The following CSMD3 variants were observed in gnomAD, a reference collection of about 807,000 sequenced individuals.
CSMD3 encodes CUB and Sushi multiple domains 3.
A neutral mutation model predicts 435.2 loss-of-function variants in CSMD3; 177 were observed. The ratio of observed to expected loss-of-function variants is 0.41; its 90% CI spans 0.36 to 0.46. The LOEUF (loss-of-function observed/expected upper bound fraction) is 0.46. CSMD3 is among the 20% of genes least tolerant of loss of function. The pLI, the probability that CSMD3 is intolerant of heterozygous loss-of-function variation, is 0.34. For missense variants in CSMD3, 4,265 were observed against 4,504.6 expected (o/e 0.95, Z 1.52); for synonymous variants, 1,656 against 1,520.5 (o/e 1.09, Z -2.07).
intron 45 of CSMD3, among the ~76,000 whole-genome samples, chr8:112,334,925 T>C (rs1435723813): frequency 1.3e-5 from 2 of 152,178 alleles, no homozygotes; most frequent in African/African-American, 4.8e-5. Context: ...ATCCAAAGCG[T>C]GAAGATACTG....
rs1458397780 is a variant in CSMD3, at chr8:112,281,289, T to C, written c.9393A>G (p.Thr3131=). Residue 3131 remains threonine (T), a synonymous_variant, in exon 59 of 71, where the codon ACA becomes ACG. Transcript: ENST00000297405. The part of the protein sequence containing the change: ...ANGKVFRIDG[T]TFSSSVIYSC... ...AATAAATGACTGAACTAGAAAATGT[T>C]GTGCCATCAATTCGGAAGACTTTCC... 6.2e-7 allele frequency: 1 copy of C among 1,613,556 alleles called. No homozygotes were observed. The highest frequency in any genetic ancestry group is 8.5e-7 in the Non-Finnish European group (1 of 1,179,632).
chr8:112,390,088 A>G lies in CSMD3; in HGVS notation c.5934+576T>C, dbSNP rs375777407. On this transcript the variant is annotated intron_variant, in intron 36 of 70. Transcript: ENST00000297405. ...AATATAGTTTTATTTGAGCCAAATC[A>G]TAGTAAATCTTTGGTTGTTGCCCAT... Among the ~76,000 whole-genome samples the G allele has an allele frequency of 7.9e-5, 12 of 152,350 alleles. No homozygotes were observed. The East Asian group carries it at 1.4e-3, about 17-fold the overall frequency.
In CSMD3 at chr8:113,289,224, G is replaced by C. The variant is rs150612485; in HGVS notation, c.402-10520C>G. ...AGCATTTAGCAAACTAGCTACTCTTGAGAAAGATGACAGATCTGAGAATTA... is the reference window on the plus strand; with the variant it reads ...AGCATTTAGCAAACTAGCTACTCTTCAGAAAGATGACAGATCTGAGAATTA... On this transcript the variant is annotated intron_variant, in intron 2 of 70. Transcript: ENST00000297405. Among the ~76,000 whole-genome samples the C allele has an allele frequency of 4.3e-4, 65 of 151,874 alleles. 2 individuals carry two copies. In the East Asian group the frequency reaches 0.013, roughly 29 times the overall value.
chr8:112,351,050 A>C, intron 40 of CSMD3, 125 bp downstream of exon 40: 1 of 580,892 alleles, frequency 1.7e-6, no homozygotes, highest in Non-Finnish European at 3.1e-6. Context: ...AAGGCAAACT[A>C]TATGTTTGAA....
At chr8:112,331,379 C>G (rs887198175) in intron 45 of CSMD3, among the ~76,000 whole-genome samples, 3 of 151,904 alleles carry the variant, frequency 2.0e-5, no homozygotes, top group African/African-American at 4.8e-5. Context: ...AATATGATAT[C>G]TGAGGTAAAC....
At chr8:112,569,603 T>C (rs1254166171) in intron 24 of CSMD3, among the ~76,000 whole-genome samples, 1 of 152,060 alleles carries the variant, frequency 6.6e-6, no homozygotes, top group Non-Finnish European at 1.5e-5. Context: ...AATCAGACAA[T>C]GGCAAGTGTT....
chr8:113,152,480 C>A (rs2091831322), intron 4 of CSMD3, among the ~76,000 whole-genome samples: 1 of 152,018 alleles, frequency 6.6e-6, no homozygotes, highest in East Asian at 1.9e-4. Context: ...TCTTGTAGTG[C>A]TGCAAAAAAA....
intron 1 of CSMD3, among the ~76,000 whole-genome samples, chr8:113,329,392 T>C (rs1307518190): frequency 2.0e-5 from 3 of 151,932 alleles, no homozygotes; most frequent in South Asian, 2.1e-4. Flanking sequence ...AAATTTGAAG[T>C]TCATGAAGAA....
At chr8:113,240,482 T>C (rs1437852285) in intron 3 of CSMD3, among the ~76,000 whole-genome samples, 1 of 152,086 alleles carries the variant, frequency 6.6e-6, no homozygotes, top group East Asian at 1.9e-4. Flanking sequence ...CGAAAGTATG[T>C]AAGTATTCCT....
intron 22 of CSMD3, among the ~76,000 whole-genome samples, chr8:112,589,216 A>T (rs1309412444): frequency 6.6e-6 from 1 of 152,148 alleles, no homozygotes; most frequent in Non-Finnish European, 1.5e-5. Context: ...ATGCGATCCC[A>T]GTGTGCCTGT....
intron 3 of CSMD3, among the ~76,000 whole-genome samples, chr8:113,248,207 G>A (rs944295604): frequency 5.3e-5 from 8 of 151,764 alleles, no homozygotes; most frequent in East Asian, 2.0e-4. Flanking sequence ...ACTGGCTCTC[G>A]TTAGTAAGAG....
At chr8:112,393,000 G>A (rs146062418) in intron 35 of CSMD3, among the ~76,000 whole-genome samples, 171 of 151,370 alleles carry the variant, frequency 1.1e-3, no homozygotes, top group Admixed American at 4.0e-3. Flanking sequence ...AGAGTAGCTA[G>A]GACTACAGGT....
rs376616443 is a variant in CSMD3 at position 112,244,529 on chromosome 8, C to T, written c.10267G>A (p.Val3423Ile). Reference protein sequence around the residue: ...QPETPAHANVVGMDLPSHGYT... With the variant: ...QPETPAHANVIGMDLPSHGYT... The stretch of plus-strand genomic sequence containing the variant: ...CCATGAGATGGAAGGTCCATCCCTA[C>T]GACATTTGCATGAGCAGGAGTTTCT... Residue 3423 changes from valine to isoleucine, a missense_variant, in exon 65 of 71, where the codon GTA becomes ATA. Val to Ile is a conservative substitution (Grantham distance 29). Around this residue, in one of 3 missense-constraint regions of CSMD3, gnomAD observed 3,255 missense variants for 3,380.2 expected, o/e 0.96. Coordinates refer to ENST00000297405, the MANE Select transcript of CSMD3 (RefSeq NM_198123.2). The T allele has an allele frequency of 1.2e-4, 192 of 1,613,782 alleles. 1 individual carries two copies. Among genetic ancestry groups the T allele is most frequent in the African/African-American group, 7.6e-4 (57 of 75,008 alleles).
chr8:112,851,608 G>C (rs2080490060), intron 11 of CSMD3, among the ~76,000 whole-genome samples: 1 of 151,838 alleles, frequency 6.6e-6, no homozygotes, highest in Admixed American at 6.6e-5. Flanking sequence ...TACTAAAAAT[G>C]CAAAAATTAG....
chr8:112,877,380 C>T (rs1466924139), intron 10 of CSMD3, among the ~76,000 whole-genome samples: 3 of 151,928 alleles, frequency 2.0e-5, no homozygotes, highest in Non-Finnish European at 4.4e-5. Flanking sequence ...ATTCTCTAGA[C>T]TCAGACTTCT....
intron 1 of CSMD3, among the ~76,000 whole-genome samples, chr8:113,322,841 G>A (rs1014186083): frequency 4.6e-5 from 7 of 152,072 alleles, no homozygotes; most frequent in African/African-American, 1.7e-4. Context: ...CACTTCCCGG[G>A]TTCAAGCGAT....
intron 2 of CSMD3, among the ~76,000 whole-genome samples, chr8:113,284,578 G>A (rs539063374): frequency 8.7e-4 from 133 of 152,120 alleles, no homozygotes; most frequent in Middle Eastern, 6.8e-3. Flanking sequence ...AATATAGTTC[G>A]AAAACTTATT....
At chr8:113,381,556 C>T (rs1342584512) in intron 1 of CSMD3, among the ~76,000 whole-genome samples, 3 of 151,034 alleles carry the variant, frequency 2.0e-5, no homozygotes, top group South Asian at 2.1e-4. Context: ...CATTTTAATG[C>T]GCTGTCCAAT....
chr8:112,844,965 C>T (rs752470064), intron 11 of CSMD3, among the ~76,000 whole-genome samples: 10 of 151,900 alleles, frequency 6.6e-5, no homozygotes, highest in Middle Eastern at 3.4e-3. Flanking sequence ...CATATGATTC[C>T]GGTATAATCA....
Sources: gnomAD v4.1 joint callset for allele counts (sites outside exome capture counted in the v4.1 genomes callset) on GRCh38, gnomAD v4.1.1 for gene constraint, gnomAD v4.1.1 regional missense constraint, MANE v1.5 for transcripts, NCBI Gene and HGNC (gene_info 2026-07-23, HGNC 2026-07-21) for gene names.